Variants in PPM1L observed in about 807,000 individuals in gnomAD.
PPM1L encodes the protein protein phosphatase, Mg2+/Mn2+ dependent 1L.
Under a neutral mutation model 31.4 loss-of-function variants are expected in PPM1L, and 13 were observed. The ratio of observed to expected loss-of-function variants is 0.41; its 90% CI spans 0.27 to 0.66. PPM1L has a LOEUF of 0.66. PPM1L is among the 30% of genes least tolerant of loss of function. The probability of loss-of-function intolerance (pLI) is 0.29; values close to 1 mark genes in which losing one functional copy is unlikely to be tolerated. For synonymous variants in PPM1L, 184 were observed against 175.4 expected (o/e 1.05, Z -0.39); for missense variants, 326 against 453.7 (o/e 0.72, Z 2.56).
At chr3:160,852,616 A>G (rs1711560129) in intron 1 of PPM1L, among the ~76,000 whole-genome samples, 1 of 152,220 alleles carries the variant, frequency 6.6e-6, no homozygotes, top group Non-Finnish European at 1.5e-5. Flanking sequence ...AACCAATGCT[A>G]TTTAAGTAAA....
chr3:160,988,800 T>C (rs1337118104), intron 2 of PPM1L, among the ~76,000 whole-genome samples: 1 of 152,152 alleles, frequency 6.6e-6, no homozygotes, highest in Non-Finnish European at 1.5e-5. Context: ...TCTGTTCAGA[T>C]ATAGTGGTAG....
chr3:160,895,473 C>T (rs1314953855), intron 1 of PPM1L, among the ~76,000 whole-genome samples: 1 of 152,186 alleles, frequency 6.6e-6, no homozygotes, highest in Non-Finnish European at 1.5e-5. Context: ...CCACCTTGGC[C>T]TCCCAAAGTA....
chr3:160,957,600 C>T (rs1230481410), intron 1 of PPM1L, among the ~76,000 whole-genome samples: 2 of 125,002 alleles, frequency 1.6e-5, no homozygotes, highest in Non-Finnish European at 3.5e-5. Flanking sequence ...TTTTTTGAGA[C>T]GGAGTGTCGC....
intron 1 of PPM1L, among the ~76,000 whole-genome samples, chr3:160,811,380 A>G (rs1682288988): frequency 6.6e-6 from 1 of 152,244 alleles, no homozygotes; most frequent in South Asian, 2.1e-4. Flanking sequence ...TGTGTTTTCT[A>G]ACATAGGGCT....
At chr3:161,045,072 A>C (rs1323003167) in intron 2 of PPM1L, among the ~76,000 whole-genome samples, 2 of 152,214 alleles carry the variant, frequency 1.3e-5, no homozygotes, top group Admixed American at 6.5e-5. Flanking sequence ...GAAGAGCTAA[A>C]TATCCTAAAT....
chr3:160,760,067 T>C (rs78888362), intron 1 of PPM1L, among the ~76,000 whole-genome samples: 10 of 152,188 alleles, frequency 6.6e-5, no homozygotes, highest in Non-Finnish European at 1.0e-4. Context: ...CCACAACTTT[T>C]ATCTCTATGA....
intron 1 of PPM1L, among the ~76,000 whole-genome samples, chr3:160,758,177 G>T (rs1051427787): frequency 1.1e-4 from 17 of 152,072 alleles, no homozygotes; most frequent in African/African-American, 3.9e-4. Flanking sequence ...GGTAGTGTCG[G>T]GGTCCCCTCC....
chr3:161,045,345 T>C (rs1461512398), intron 2 of PPM1L, among the ~76,000 whole-genome samples: 1 of 152,200 alleles, frequency 6.6e-6, no homozygotes, highest in Non-Finnish European at 1.5e-5. Context: ...ATCGCACTTA[T>C]TCCAAAATTG....
intron 1 of PPM1L, among the ~76,000 whole-genome samples, chr3:160,960,672 C>T (rs1194529460): frequency 6.6e-6 from 1 of 151,012 alleles, no homozygotes; most frequent in Non-Finnish European, 1.5e-5. Flanking sequence ...ATTTATTAAC[C>T]TTAGACACTA....
At chr3:160,922,908 AT>A (rs1714463370) in intron 1 of PPM1L, among the ~76,000 whole-genome samples, 1 of 152,214 alleles carries the variant, frequency 6.6e-6, no homozygotes, top group Admixed American at 6.5e-5. Flanking sequence ...CCATATCCTA[AT>A]ATTGAAATTT....
intron 1 of PPM1L, among the ~76,000 whole-genome samples, chr3:160,885,125 C>T (rs1309883694): frequency 6.6e-6 from 1 of 152,200 alleles, no homozygotes; most frequent in Non-Finnish European, 1.5e-5. Flanking sequence ...GTACCTCTCA[C>T]TCCCTATCTC....
intron 1 of PPM1L, among the ~76,000 whole-genome samples, chr3:160,929,971 C>T (rs1714729150): frequency 6.6e-6 from 1 of 152,192 alleles, no homozygotes; most frequent in Admixed American, 6.5e-5. Flanking sequence ...TCCTGAACAG[C>T]CCTTTTGAGG....
In PPM1L at chr3:161,050,769, T is replaced by C. The variant is rs368636927; in HGVS notation, c.575-14634T>C. Among the ~76,000 whole-genome samples the C allele has an allele frequency of 2.1e-4, 32 of 152,346 alleles. No individual in the cohort carries two copies. In the East Asian group the frequency reaches 6.0e-3, roughly 28 times the overall value. On this transcript the variant is annotated intron_variant, in intron 2 of 3. Transcript: ENST00000498165. ...TTTGTCATACTATAGCTACTCATTT[T>C]GGCTGTCTTCATTGTTTTGCTACTT...
At chr3:160,833,554 G>A (rs1482557311) in intron 1 of PPM1L, among the ~76,000 whole-genome samples, 1 of 152,030 alleles carries the variant, frequency 6.6e-6, no homozygotes, top group Non-Finnish European at 1.5e-5. Context: ...TTTTTCAAAT[G>A]TGTATTGGCT....
intron 2 of PPM1L, among the ~76,000 whole-genome samples, chr3:160,983,007 G>A (rs1220379925): frequency 6.6e-6 from 1 of 152,122 alleles, no homozygotes; most frequent in Admixed American, 6.5e-5. Context: ...TTTGATCTAT[G>A]GTGAATTCAA....
chr3:160,935,714 G>A (rs772806708), intron 1 of PPM1L, among the ~76,000 whole-genome samples: 1 of 152,224 alleles, frequency 6.6e-6, no homozygotes, highest in African/African-American at 2.4e-5. Context: ...GAGTCAGCTA[G>A]GTCATTAACT....
intron 1 of PPM1L, among the ~76,000 whole-genome samples, chr3:160,894,634 A>G (rs1713273306): frequency 6.6e-6 from 1 of 152,216 alleles, no homozygotes; most frequent in South Asian, 2.1e-4. Flanking sequence ...GAGCTGAGTT[A>G]GGAACCCTGT....
At chr3:160,978,143 C>T (rs1487104871) in intron 2 of PPM1L, among the ~76,000 whole-genome samples, 2 of 152,190 alleles carry the variant, frequency 1.3e-5, no homozygotes, top group African/African-American at 4.8e-5. Context: ...TGCTTAAGCC[C>T]AGGTACCTTC....
intron 1 of PPM1L, chr3:160,939,719 G>T (rs1715098398): frequency 6.0e-6 from 1 of 165,574 alleles, no homozygotes; most frequent in South Asian, 1.8e-4. Context: ...TGTGGAACTG[G>T]AAATCCAATT....
Sources: allele counts gnomAD v4.1 joint callset (sites outside exome capture counted in the v4.1 genomes callset), GRCh38; gene constraint gnomAD v4.1.1; transcripts MANE v1.5; gene names NCBI Gene and HGNC (gene_info 2026-07-23, HGNC 2026-07-21).